Variants in CLIC5 observed in about 807,000 individuals in gnomAD.
CLIC5 encodes CLIC family member 5.
A neutral mutation model predicts 24.7 loss-of-function variants in CLIC5; 20 were observed. That is an observed-to-expected ratio of 0.81 (90% confidence interval 0.57 to 1.18). The LOEUF (loss-of-function observed/expected upper bound fraction) is 1.18. Ranked by LOEUF, CLIC5 falls within the 50% of genes most tolerant of loss-of-function variation. The pLI is 0.00. For missense variants in CLIC5, 341 were observed against 326.1 expected, an observed-to-expected ratio of 1.05 and a Z score of -0.35; for synonymous variants, 159 against 135.6, an observed-to-expected ratio of 1.17 and a Z score of -1.20.
At chr6:45,919,723 G>A (rs1323042066) in intron 4 of CLIC5, among the ~76,000 whole-genome samples, 1 of 152,152 alleles carries the variant, frequency 6.6e-6, no homozygotes, top group Non-Finnish European at 1.5e-5. Context: ...TAGACAATAG[G>A]TTGGGTAAAA....
intron 6 of CLIC5, among the ~76,000 whole-genome samples, chr6:45,881,632 C>T (rs1167820414): frequency 4.6e-5 from 7 of 152,164 alleles, no homozygotes; most frequent in African/African-American, 1.4e-4. Flanking sequence ...ATACCTTTCC[C>T]TTTACCCCTT....
At chr6:46,028,822 C>T (rs1767416980) in intron 1 of CLIC5, among the ~76,000 whole-genome samples, 1 of 152,196 alleles carries the variant, frequency 6.6e-6, no homozygotes, top group Admixed American at 6.5e-5. Context: ...CACCCAAAGT[C>T]CATAGTTTCA....
chr6:46,035,903 C>T (rs1459625313), intron 1 of CLIC5, among the ~76,000 whole-genome samples: 1 of 152,042 alleles, frequency 6.6e-6, no homozygotes, highest in Non-Finnish European at 1.5e-5. Flanking sequence ...TGCCACCACA[C>T]CCAGCTAATT....
At chr6:45,930,687 T>C (rs1354704191) in intron 4 of CLIC5, among the ~76,000 whole-genome samples, 1 of 152,132 alleles carries the variant, frequency 6.6e-6, no homozygotes, top group Admixed American at 6.5e-5. Context: ...ACACTAGGTA[T>C]GGAGGCGGGG....
chr6:45,996,336 A>G (rs1395466044), intron 1 of CLIC5, among the ~76,000 whole-genome samples: 1 of 151,972 alleles, frequency 6.6e-6, no homozygotes, highest in Admixed American at 6.6e-5. Flanking sequence ...GCTGTGCAGA[A>G]GCTCTTTAGT....
intron 1 of CLIC5, among the ~76,000 whole-genome samples, chr6:45,963,639 C>T (rs1230600391): frequency 1.3e-5 from 2 of 151,436 alleles, no homozygotes; most frequent in South Asian, 2.1e-4. Context: ...AAACATGCTA[C>T]TTACCCTAAG....
chr6:46,071,169 A>G (rs185972116), intron 1 of CLIC5, among the ~76,000 whole-genome samples: 39 of 152,322 alleles, frequency 2.6e-4, no homozygotes, highest in African/African-American at 8.2e-4. Flanking sequence ...GAAACAGGCA[A>G]AGATTTCATG....
chr6:45,962,949 C>T (rs1362658734), intron 1 of CLIC5, among the ~76,000 whole-genome samples: 2 of 152,214 alleles, frequency 1.3e-5, no homozygotes, highest in African/African-American at 4.8e-5. Flanking sequence ...TATGTTCACC[C>T]TCCTGTGCTT....
intron 1 of CLIC5, among the ~76,000 whole-genome samples, chr6:46,070,407 C>G (rs1762561463): frequency 6.6e-6 from 1 of 152,088 alleles, no homozygotes; most frequent in Admixed American, 6.6e-5. Context: ...ACAAAAATCA[C>G]TAGTATTCCT....
chr6:45,943,487 T>C (rs1561952528), intron 3 of CLIC5, among the ~76,000 whole-genome samples: 1 of 152,254 alleles, frequency 6.6e-6, no homozygotes, highest in African/African-American at 2.4e-5. Flanking sequence ...AGGAATTCAG[T>C]GTCATCTCTT....
intron 1 of CLIC5, among the ~76,000 whole-genome samples, chr6:45,965,513 C>T (rs1489483545): frequency 1.3e-5 from 2 of 152,212 alleles, no homozygotes; most frequent in Non-Finnish European, 2.9e-5. Context: ...CTTTAAGGTA[C>T]TGTCATCCTA....
At chr6:45,910,703 C>A (rs1209540896) in intron 5 of CLIC5, among the ~76,000 whole-genome samples, 1 of 152,150 alleles carries the variant, frequency 6.6e-6, no homozygotes, top group East Asian at 1.9e-4. Flanking sequence ...TTTACTGTTG[C>A]TTGTCTCCAA....
rs115695715 is a variant in CLIC5, at chr6:46,021,196, C to T, written c.540+58507G>A. Among the ~76,000 whole-genome samples, 601 of 151,334 alleles carry T rather than the reference C, an allele frequency of 4.0e-3. 1 individual carries two copies. Among genetic ancestry groups the T allele is most frequent in the African/African-American group, 0.013 (541 of 41,262 alleles). ...GGCAAACACATGAAAATATGCTCAA[C>T]GTTCTTCAGTAGAGCAATGCAAATA... is the stretch of plus-strand genomic sequence containing the variant. On this transcript the variant is annotated intron_variant, in intron 1 of 5. Coordinates refer to the CLIC5 transcript ENST00000185206.
intron 1 of CLIC5, among the ~76,000 whole-genome samples, chr6:45,988,957 T>G (rs1346726115): frequency 6.6e-6 from 1 of 152,222 alleles, no homozygotes; most frequent in African/African-American, 2.4e-5. Flanking sequence ...GCTTGGGTTC[T>G]GAATACAGAG....
upstream of CLIC5, among the ~76,000 whole-genome samples, chr6:46,082,520 G>GT (rs1362425641): frequency 2.6e-5 from 4 of 152,076 alleles, no homozygotes; most frequent in East Asian, 7.7e-4. Flanking sequence ...TCCTATACCT[G>GT]TTTTTTCACC....
At chr6:45,966,625 C>A (rs1197934018) in intron 1 of CLIC5, among the ~76,000 whole-genome samples, 1 of 152,188 alleles carries the variant, frequency 6.6e-6, no homozygotes, top group Non-Finnish European at 1.5e-5. Context: ...CCGACAGTAG[C>A]ACTTAGGACG....
intron 4 of CLIC5, among the ~76,000 whole-genome samples, chr6:45,938,287 G>A (rs1764010424): frequency 6.6e-6 from 1 of 152,210 alleles, no homozygotes; most frequent in Admixed American, 6.5e-5. Context: ...CGTAACACAG[G>A]AGCCATGCTG....
chr6:46,014,486 A>C (rs934820020), intron 1 of CLIC5: 1 of 152,154 alleles, frequency 6.6e-6, no homozygotes, highest in Non-Finnish European at 1.5e-5. Flanking sequence ...GAAACTTTGC[A>C]CTGAGAGAGT....
rs373690301 is a variant in CLIC5, at chr6:45,955,425, G to T, written c.64-181C>A. Among the ~76,000 whole-genome samples the T allele has an allele frequency of 2.6e-5, 4 of 152,348 alleles. 1 individual carries two copies. Among genetic ancestry groups the T allele is most frequent in the Admixed American group, 6.5e-5 (1 of 15,304 alleles). ...TAATGTCCACGCAGGGCAATGCCTG[G>T]CAGCATGTAAGGGCTCAATAAATAC... On this transcript the variant is annotated intron_variant, in intron 1 of 5. Coordinates refer to ENST00000339561, the MANE Select transcript of CLIC5 (RefSeq NM_016929.5).
Sources: gnomAD v4.1 joint callset for allele counts (sites outside exome capture counted in the v4.1 genomes callset) on GRCh38, gnomAD v4.1.1 for gene constraint, MANE v1.5 for transcripts, NCBI Gene and HGNC (gene_info 2026-07-23, HGNC 2026-07-21) for gene names.